PIP5K1B: variants seen among roughly 807,000 people sequenced by gnomAD.
PIP5K1B encodes phosphatidylinositol 4-phosphate 5-kinase type-1 beta.
PIP5K1B carries 42 observed loss-of-function variants against 67.0 expected under a neutral mutation model. The ratio of observed to expected loss-of-function variants is 0.63; its 90% CI spans 0.49 to 0.81. PIP5K1B has a LOEUF of 0.81. Among genes scored for constraint, PIP5K1B ranks in the 30% least tolerant of loss-of-function variants. The probability of loss-of-function intolerance (pLI) is 0.00; values close to 1 mark genes in which losing one functional copy is unlikely to be tolerated. For synonymous variants in PIP5K1B, 214 were observed against 231.4 expected (o/e 0.92, Z 0.68); for missense variants, 459 against 646.3 (o/e 0.71, Z 3.14).
At position 68,707,995 on chromosome 9, in the gene PIP5K1B, A is replaced by G. The variant is rs200837082; in HGVS notation, c.-243+2233A>G. On this transcript the variant is annotated intron_variant, in intron 1 of 15. Coordinates refer to ENST00000265382, the MANE Select transcript of PIP5K1B (RefSeq NM_003558.4). ...CAATGTTATCATTTTCTCTAGAGGA[A>G]GGAGACCTTTGTACCCCACATCACC... 2.0e-5 allele frequency: 3 copies of G among 152,188 alleles called. No individual in the cohort carries two copies. The East Asian group carries it at 5.8e-4, about 29-fold the overall frequency. 9.4% of individuals were successfully genotyped at this position (152,188 alleles called of 1,614,324 possible). A position where few individuals can be genotyped will look rare whatever the true frequency, so the allele number is the denominator to read the frequency against.
At chr9:68,726,870 T>G (rs940077899) in intron 1 of PIP5K1B, among the ~76,000 whole-genome samples, 36 of 152,200 alleles carry the variant, frequency 2.4e-4, no homozygotes, top group African/African-American at 8.7e-4. Flanking sequence ...AGCTTTAAAT[T>G]GCATTTCCGT....
At chr9:68,895,210 C>G (rs1414952) in intron 8 of PIP5K1B, among the ~76,000 whole-genome samples, 14,688 of 143,996 alleles carry the variant, frequency 0.1, 840 homozygotes, top group Middle Eastern at 0.14. Context: ...TCCATGCAAA[C>G]TTAGCTGGAG....
intron 2 of PIP5K1B, among the ~76,000 whole-genome samples, chr9:68,810,382 G>C (rs1386685284): frequency 6.6e-6 from 1 of 152,046 alleles, no homozygotes; most frequent in Non-Finnish European, 1.5e-5. Context: ...AGCAGAGATG[G>C]ACATGAAACC....
intron 4 of PIP5K1B, among the ~76,000 whole-genome samples, chr9:68,832,068 G>A (rs1489295277): frequency 2.0e-5 from 3 of 152,308 alleles, no homozygotes; most frequent in African/African-American, 7.2e-5. Flanking sequence ...CACAGAATCT[G>A]AACTGTAGCC....
intron 14 of PIP5K1B, among the ~76,000 whole-genome samples, chr9:68,955,212 A>G (rs1189433187): frequency 6.6e-6 from 1 of 152,236 alleles, no homozygotes; most frequent in East Asian, 1.9e-4. Flanking sequence ...ATAATTATCC[A>G]CATGCAACAT....
intron 15 of PIP5K1B, among the ~76,000 whole-genome samples, chr9:68,991,568 G>A (rs1017704764): frequency 4.6e-5 from 7 of 152,162 alleles, no homozygotes; most frequent in South Asian, 2.1e-4. Context: ...TGACTCAGCC[G>A]TGCTCCCTGA....
intron 7 of PIP5K1B, among the ~76,000 whole-genome samples, chr9:68,893,012 G>T (rs1247355134): frequency 1.3e-5 from 2 of 152,046 alleles, no homozygotes; most frequent in Non-Finnish European, 2.9e-5. Flanking sequence ...GGCGGAGGTT[G>T]CAGTGAGCCA....
intron 15 of PIP5K1B, among the ~76,000 whole-genome samples, chr9:69,006,056 T>G (rs547292902): frequency 8.5e-5 from 13 of 152,174 alleles, no homozygotes; most frequent in African/African-American, 3.1e-4. Context: ...ATTATTTTAT[T>G]TTATTTTTTA....
intron 2 of PIP5K1B, among the ~76,000 whole-genome samples, chr9:68,755,206 A>T (rs1829863523): frequency 6.6e-6 from 1 of 152,236 alleles, no homozygotes; most frequent in Admixed American, 6.5e-5. Flanking sequence ...CTCATACTTC[A>T]AAAAAGAAAT....
intron 5 of PIP5K1B, among the ~76,000 whole-genome samples, chr9:68,869,744 G>A (rs1475085492): frequency 2.0e-5 from 3 of 152,186 alleles, no homozygotes; most frequent in South Asian, 4.1e-4. Context: ...TTGGGAGGCC[G>A]AGGTGGGAAG....
At chr9:68,839,565 T>G (rs1336240356) in intron 4 of PIP5K1B, among the ~76,000 whole-genome samples, 1 of 152,196 alleles carries the variant, frequency 6.6e-6, no homozygotes, top group East Asian at 1.9e-4. Flanking sequence ...TAATCCTCTG[T>G]GGGAAAAAGT....
intron 15 of PIP5K1B, among the ~76,000 whole-genome samples, chr9:69,002,105 C>T (rs574491579): frequency 3.3e-5 from 5 of 152,268 alleles, no homozygotes; most frequent in African/African-American, 9.6e-5. Context: ...ATCTGGAGGC[C>T]GGCAGGAGGC....
chr9:68,862,825 A>G (rs976424929), intron 4 of PIP5K1B, among the ~76,000 whole-genome samples: 2 of 39,204 alleles, frequency 5.1e-5, no homozygotes. Context: ...ATAAATAAAT[A>G]TATATATATA....
chr9:68,934,148 C>A (rs1268844951), intron 12 of PIP5K1B, among the ~76,000 whole-genome samples: 1 of 152,212 alleles, frequency 6.6e-6, no homozygotes, highest in South Asian at 2.1e-4. Context: ...GATGGCCTTG[C>A]TGCCGCTTAA....
chr9:68,785,191 G>A (rs887581379), intron 2 of PIP5K1B, among the ~76,000 whole-genome samples: 1 of 152,184 alleles, frequency 6.6e-6, no homozygotes, highest in African/African-American at 2.4e-5. Context: ...AGTAGTTAAG[G>A]GTTCTGCTGA....
chr9:69,002,102 G>A (rs1830845635), intron 15 of PIP5K1B, among the ~76,000 whole-genome samples: 1 of 152,172 alleles, frequency 6.6e-6, no homozygotes, highest in Admixed American at 6.5e-5. Flanking sequence ...GGCATCTGGA[G>A]GCCGGCAGGA....
chr9:68,782,748 CT>C (rs1831368026), intron 2 of PIP5K1B: 1 of 167,092 alleles, frequency 6.0e-6, no homozygotes, highest in African/African-American at 2.4e-5. Flanking sequence ...GAAATTCAAA[CT>C]TAAATAGCCT....
intron 14 of PIP5K1B, among the ~76,000 whole-genome samples, chr9:68,975,034 G>A (rs1829566316): frequency 1.3e-5 from 2 of 152,220 alleles, no homozygotes; most frequent in South Asian, 4.1e-4. Flanking sequence ...GGATTTTACT[G>A]AAGAAGGGCC....
At chr9:68,906,608 A>G (rs971515481) in intron 8 of PIP5K1B, among the ~76,000 whole-genome samples, 5 of 152,238 alleles carry the variant, frequency 3.3e-5, no homozygotes, top group African/African-American at 1.2e-4. Flanking sequence ...CTCAGGCTAC[A>G]GAGAAGTTAA....
Sources: allele counts gnomAD v4.1 joint callset (sites outside exome capture counted in the v4.1 genomes callset), GRCh38; gene constraint gnomAD v4.1.1; transcripts MANE v1.5; gene names NCBI Gene and HGNC (gene_info 2026-07-23, HGNC 2026-07-21).